Variants in NFIC observed in about 807,000 individuals in gnomAD.
NFIC encodes nuclear factor I C, also known as nuclear factor 1 C-type.
Under a neutral mutation model 54.4 loss-of-function variants are expected in NFIC, and 12 were observed. That is an observed-to-expected ratio of 0.22 (90% CI 0.14 to 0.36). NFIC has a LOEUF of 0.36. Among genes scored for constraint, NFIC ranks in the 10% least tolerant of loss-of-function variants. NFIC has a pLI of 1.00. For missense variants in NFIC, 575 were observed against 718.2 expected (o/e 0.80, Z 2.28); for synonymous variants, 322 against 319.2 (o/e 1.01, Z -0.09).
chr19:3,461,824 G>C (rs972896167), intron 10 of NFIC, among the ~76,000 whole-genome samples: 3 of 152,108 alleles, frequency 2.0e-5, no homozygotes, highest in Non-Finnish European at 2.9e-5. Context: ...GGGAGGCCGA[G>C]GCGGGCGGAT....
At position 3,370,228 on chromosome 19, in the gene NFIC, A is replaced by G. The variant is rs374013483; in HGVS notation, c.30+3562A>G. ...AGTGGGGCTGGCAGAGCTGGGGTTC[A>G]GGCCATTTTCCATCTGGCGGCTTGG... is the stretch of plus-strand genomic sequence containing the variant. On this transcript the variant is annotated intron_variant, in intron 1 of 10. Coordinates refer to ENST00000443272, the MANE Select transcript of NFIC (RefSeq NM_001245002.2). This position sits in a 1 kb window ranked among gnomAD's most constrained non-coding sequence, Gnocchi z 5.2. Among the ~76,000 whole-genome samples the G allele has an allele frequency of 6.6e-6, 1 of 152,050 alleles. No homozygotes were observed. Among genetic ancestry groups the G allele is most frequent in the East Asian group, 1.9e-4 (1 of 5,172 alleles).
rs559904437 is a variant in NFIC at position 3,376,810 on chromosome 19, C to T, written c.31-4902C>T. Among the ~76,000 whole-genome samples the T allele has an allele frequency of 1.4e-3, 220 of 152,174 alleles. 1 individual carries two copies. Among genetic ancestry groups the T allele is most frequent in the African/African-American group, 5.0e-3 (207 of 41,552 alleles). ...ATGGCGCGACCTTGGCTCACTGCAACCTCTGCCTCCCGGGTTCAAGTGATT... is the reference window on the plus strand; with the variant it reads ...ATGGCGCGACCTTGGCTCACTGCAATCTCTGCCTCCCGGGTTCAAGTGATT... On this transcript the variant is annotated intron_variant, in intron 1 of 10. Coordinates refer to ENST00000443272, the MANE Select transcript of NFIC (RefSeq NM_001245002.2).
intron 1 of NFIC, among the ~76,000 whole-genome samples, chr19:3,377,259 G>A (rs923635149): frequency 1.1e-4 from 16 of 145,928 alleles, no homozygotes; most frequent in Non-Finnish European, 1.9e-4. Flanking sequence ...GCGTGAACCC[G>A]GGAGGTAGAG....
Position 3,435,065 on chromosome 19 carries a change from C to T in NFIC, c.834-18C>T. Reference sequence around the variant, plus strand: ...CGTCTCCCTGGTAACCAGCCTCTCCCCTTCCCTCGCCCATAAGGAGCAAGC... The same window carrying T: ...CGTCTCCCTGGTAACCAGCCTCTCCTCTTCCCTCGCCCATAAGGAGCAAGC... On this transcript the variant is annotated intron_variant, in intron 5 of 10. Transcript: ENST00000443272. The T allele has an allele frequency of 1.9e-6, 3 of 1,574,986 alleles. No individual in the cohort carries two copies. The highest frequency in any genetic ancestry group is 2.6e-6 in the Non-Finnish European group (3 of 1,155,062).
At chr19:3,371,975 TTC>T (rs1396304411) in intron 1 of NFIC, among the ~76,000 whole-genome samples, 1 of 31,970 alleles carries the variant, frequency 3.1e-5, no homozygotes, top group Non-Finnish European at 6.8e-5. Context: ...TTCCTTCTCT[TTC>T]TCTCTCTCTC....
intron 2 of NFIC, among the ~76,000 whole-genome samples, chr19:3,417,657 G>A (rs1323107943): frequency 2.1e-4 from 28 of 134,874 alleles, no homozygotes; most frequent in Non-Finnish European, 9.2e-5. Context: ...ATGGAGTCTC[G>A]CTCTGTCGCC....
intron 2 of NFIC, among the ~76,000 whole-genome samples, chr19:3,388,749 G>T (rs1220309227): frequency 6.6e-6 from 1 of 152,058 alleles, no homozygotes. Context: ...GATGGCTTGA[G>T]CCCAGGAGTT....
At chr19:3,434,031 G>C (rs1281657480) in intron 4 of NFIC, among the ~76,000 whole-genome samples, 1 of 152,150 alleles carries the variant, frequency 6.6e-6, no homozygotes, top group African/African-American at 2.4e-5. Flanking sequence ...TCCCTGTCCA[G>C]ATCAGCAGAG....
intron 1 of NFIC, among the ~76,000 whole-genome samples, chr19:3,379,917 A>G (rs1372793843): frequency 6.6e-6 from 1 of 151,878 alleles, no homozygotes; most frequent in East Asian, 1.9e-4. Context: ...CCTGGGCTCA[A>G]GCAGTCCACC....
intron 2 of NFIC, among the ~76,000 whole-genome samples, chr19:3,423,108 G>A (rs554002740): frequency 1.6e-4 from 25 of 152,262 alleles, no homozygotes; most frequent in Non-Finnish European, 2.5e-4. Context: ...TGAAGCGGGA[G>A]AATCACTTGA....
At chr19:3,394,514 T>TCCCCCCCCCCCCC (rs199958298) in intron 2 of NFIC, among the ~76,000 whole-genome samples, 15 of 25,212 alleles carry the variant, frequency 5.9e-4, no homozygotes, top group African/African-American at 6.6e-4. Context: ...TATGATCTTT[T>TCCCCCCCCCCCCC]CCCCACCCAC....
chr19:3,423,406 C>T (rs919471078), intron 2 of NFIC, among the ~76,000 whole-genome samples: 2 of 152,052 alleles, frequency 1.3e-5, no homozygotes, highest in African/African-American at 4.8e-5. Flanking sequence ...GGTCACACAG[C>T]GATCGCGTCC....
At chr19:3,377,333 CAA>C (rs71164684) in intron 1 of NFIC, among the ~76,000 whole-genome samples, 241 of 57,844 alleles carry the variant, frequency 4.2e-3, no homozygotes, top group African/African-American at 0.017. Flanking sequence ...GACTCTGTCT[CAA>C]AAAAAAAAAA....
rs954617317 is a variant in NFIC, at chr19:3,369,761, C to T, written c.30+3095C>T. ...TGGGCCTCCCTCCCTGCCTCCCTCCCGCTGGCGCCACCGCCACGTTAGTTA... is the reference window on the plus strand; with the variant it reads ...TGGGCCTCCCTCCCTGCCTCCCTCCTGCTGGCGCCACCGCCACGTTAGTTA... On this transcript the variant is annotated intron_variant, in intron 1 of 10. Coordinates refer to ENST00000443272, the MANE Select transcript of NFIC (RefSeq NM_001245002.2). The surrounding 1 kb of genome is among the most constrained non-coding windows in gnomAD (Gnocchi z 4.3). Among the ~76,000 whole-genome samples, 8 of 152,342 alleles carry T rather than the reference C, an allele frequency of 5.3e-5. No individual in the cohort carries two copies. In the East Asian group the frequency reaches 1.2e-3, roughly 22 times the overall value.
chr19:3,422,986 C>G (rs1166071001), intron 2 of NFIC, among the ~76,000 whole-genome samples: 1 of 150,470 alleles, frequency 6.6e-6, no homozygotes, highest in East Asian at 2.0e-4. Context: ...CACCTGAGGT[C>G]AGGAGTTCGA....
intron 7 of NFIC, among the ~76,000 whole-genome samples, chr19:3,450,790 C>T (rs1224945488): frequency 6.6e-6 from 1 of 152,224 alleles, no homozygotes; most frequent in Non-Finnish European, 1.5e-5. Context: ...GTTCTTTACA[C>T]AGTCATGCAC....
chr19:3,369,445 G>T lies in NFIC; in HGVS notation c.30+2779G>T, dbSNP rs1230503178. ...CTTTTCCCAGCTAATTTTACAACCT[G>T]AGCCCAACCGAAAATAGCTCCCTTT... On this transcript the variant is annotated intron_variant, in intron 1 of 10. Transcript: ENST00000443272. This position sits in a 1 kb window ranked among gnomAD's most constrained non-coding sequence, Gnocchi z 4.3. 6.7e-6 allele frequency among the ~76,000 whole-genome samples: 1 copy of T among 149,716 alleles called. No individual in the cohort carries two copies. The highest frequency in any genetic ancestry group is 1.5e-5 in the Non-Finnish European group (1 of 67,166).
chr19:3,421,707 G>C (rs1389468855), intron 2 of NFIC, among the ~76,000 whole-genome samples: 5 of 152,200 alleles, frequency 3.3e-5, no homozygotes, highest in Non-Finnish European at 7.3e-5. Flanking sequence ...ACGGCGCCAG[G>C]CTAACTCCAG....
rs980864382 is a variant in NFIC, at chr19:3,458,204, C to T, written c.1509+1569C>T. Among the ~76,000 whole-genome samples the T allele has an allele frequency of 6.6e-5, 10 of 152,208 alleles. No homozygotes were observed. The highest frequency in any genetic ancestry group is 1.5e-4 in the Non-Finnish European group (10 of 68,032). The stretch of plus-strand genomic sequence containing the variant: ...TGGTCAGGGTCCCCCAGCGAGCAGA[C>T]GTCCAGGACTCCTCGCTTTGGGATT... On this transcript the variant is annotated intron_variant, in intron 10 of 10. Transcript: ENST00000443272. The surrounding 1 kb of genome is among the most constrained non-coding windows in gnomAD (Gnocchi z 4.1).
Sources: allele counts gnomAD v4.1 joint callset (sites outside exome capture counted in the v4.1 genomes callset), GRCh38; gene constraint gnomAD v4.1.1; non-coding constraint Gnocchi (gnomAD v3.1); transcripts MANE v1.5; gene names NCBI Gene and HGNC (gene_info 2026-07-23, HGNC 2026-07-21).